Variants in PLXNB2 observed in about 807,000 individuals in gnomAD.
The protein encoded by PLXNB2 is plexin-B2.
Under a neutral mutation model 202.6 loss-of-function variants are expected in PLXNB2, and 85 were observed. That is an observed-to-expected ratio of 0.42 (90% CI 0.35 to 0.50). The LOEUF (loss-of-function observed/expected upper bound fraction) is 0.50. Ranked by LOEUF, PLXNB2 falls within the 20% of genes least tolerant of loss-of-function variation. The pLI is 0.02. For synonymous variants in PLXNB2, 1,239 were observed against 1,137.6 expected, an observed-to-expected ratio of 1.09 and a Z score of -1.79; for missense variants, 2,063 against 2,586.2, an observed-to-expected ratio of 0.80 and a Z score of 4.39.
At chr22:50,296,609 A>AG (rs1212772445) in intron 1 of PLXNB2, among the ~76,000 whole-genome samples, 1 of 151,188 alleles carries the variant, frequency 6.6e-6, no homozygotes, top group African/African-American at 2.4e-5. Flanking sequence ...AAAAAAAAAA[A>AG]AAAAGGAAAA....
At chr22:50,277,815 A>G (rs1216721259) in intron 32 of PLXNB2, 38 bp downstream of exon 32, 1 of 1,605,878 alleles carries the variant, frequency 6.2e-7, no homozygotes, top group South Asian at 1.1e-5. Flanking sequence ...TGAGAGGCGG[A>G]GCCGGGGCTG....
At chr22:50,303,719 A>G (rs2067790739) in intron 1 of PLXNB2, among the ~76,000 whole-genome samples, 1 of 152,186 alleles carries the variant, frequency 6.6e-6, no homozygotes, top group South Asian at 2.1e-4. Flanking sequence ...GAAGCTGCTG[A>G]CCAGCTGTGC....
In PLXNB2 at chr22:50,291,430, C is replaced by T. The variant is rs191216352; in HGVS notation, c.-13-833G>A. On this transcript the variant is annotated intron_variant, in intron 2 of 36. Coordinates refer to ENST00000359337, the MANE Select transcript of PLXNB2 (RefSeq NM_012401.4). The surrounding 1 kb of genome is among the most constrained non-coding windows in gnomAD (Gnocchi z 4.3). ...TGCGTGTGTGTAACTGAGCACGTCTCGGTGTGGGGTCTGTGCCTGGGTCCG... is the reference window on the plus strand; with the variant it reads ...TGCGTGTGTGTAACTGAGCACGTCTTGGTGTGGGGTCTGTGCCTGGGTCCG... 1.2e-3 allele frequency among the ~76,000 whole-genome samples: 176 copies of T among 152,196 alleles called. No homozygotes were observed. Among genetic ancestry groups the T allele is most frequent in the Non-Finnish European group, 1.3e-3 (91 of 67,996 alleles).
At chr22:50,298,350 C>G (rs1243702955) in intron 1 of PLXNB2, among the ~76,000 whole-genome samples, 1 of 152,178 alleles carries the variant, frequency 6.6e-6, no homozygotes, top group Non-Finnish European at 1.5e-5. Flanking sequence ...ACCTGTGGCC[C>G]TCTCCTGAGG....
intron 1 of PLXNB2, among the ~76,000 whole-genome samples, chr22:50,298,798 A>G (rs1293108961): frequency 6.6e-6 from 1 of 152,204 alleles, no homozygotes; most frequent in Non-Finnish European, 1.5e-5. Context: ...GGTGCACGCC[A>G]CTATGCCCAG....
rs2065482547 is a variant in PLXNB2 at position 50,275,513 on chromosome 22, G to T, written c.*191C>A. Reference sequence around the variant, plus strand: ...GGGCTGGGGCTGGTGCTGGTGCGGTGCCCGGCGGTATTGCTCAGAGGAAGA... The same window carrying T: ...GGGCTGGGGCTGGTGCTGGTGCGGTTCCCGGCGGTATTGCTCAGAGGAAGA... On this transcript the variant is annotated 3_prime_UTR_variant, in exon 37 of 37. Coordinates refer to ENST00000359337, the MANE Select transcript of PLXNB2 (RefSeq NM_012401.4). 1 of 670,434 alleles carries T rather than the reference G, an allele frequency of 1.5e-6. No individual in the cohort carries two copies. The allele number at this position is 670,434 out of a possible 1,614,324, so 41.5% of individuals were successfully genotyped here. A position where few individuals can be genotyped will look rare whatever the true frequency, so the allele number is the denominator to read the frequency against.
chr22:50,278,763 A>G (rs1395515243), intron 28 of PLXNB2, 67 bp from the exon 29 acceptor site: 4 of 1,584,972 alleles, frequency 2.5e-6, no homozygotes, highest in Admixed American at 3.5e-5. Flanking sequence ...CACCACTCCC[A>G]TATGAGAAAG....
chr22:50,303,640 C>T (rs2067787702), intron 1 of PLXNB2, among the ~76,000 whole-genome samples: 1 of 152,252 alleles, frequency 6.6e-6, no homozygotes, highest in African/African-American at 2.4e-5. Flanking sequence ...TGCTGCGGGA[C>T]TCAGCTGGGG....
chr22:50,295,632 A>G (rs2067207414), intron 1 of PLXNB2, among the ~76,000 whole-genome samples: 2 of 152,198 alleles, frequency 1.3e-5, no homozygotes, highest in South Asian at 4.1e-4. Flanking sequence ...GCTTCTCCGC[A>G]TGGTTGGCTT....
intron 1 of PLXNB2, among the ~76,000 whole-genome samples, chr22:50,306,714 C>T (rs980010535): frequency 2.0e-5 from 3 of 151,970 alleles, no homozygotes; most frequent in Admixed American, 6.5e-5. Context: ...CTCACCCTCA[C>T]CCTCACCCTC....
chr22:50,297,539 G>C lies in PLXNB2; in HGVS notation c.-73-2761C>G, dbSNP rs2067368371. 2.6e-5 allele frequency among the ~76,000 whole-genome samples: 4 copies of C among 152,096 alleles called. No homozygotes were observed. Among genetic ancestry groups the C allele is most frequent in the Admixed American group, 2.6e-4 (4 of 15,270 alleles). On this transcript the variant is annotated intron_variant, in intron 1 of 36. Coordinates refer to ENST00000359337, the MANE Select transcript of PLXNB2 (RefSeq NM_012401.4). The surrounding 1 kb of genome is among the most constrained non-coding windows in gnomAD (Gnocchi z 5.3). Reference sequence around the variant, plus strand: ...CAGTCTGGGGCCCTTCCTGGCCCAAGTCTACCTCCTCTGCCCGGCCTCTGG... The same window carrying C: ...CAGTCTGGGGCCCTTCCTGGCCCAACTCTACCTCCTCTGCCCGGCCTCTGG...
In PLXNB2 at chr22:50,289,028, C is replaced by T. The variant is rs767458963; in HGVS notation, c.1183G>A (p.Val395Met). 3.7e-6 allele frequency: 6 copies of T among 1,610,144 alleles called. No homozygotes were observed. The highest frequency in any genetic ancestry group is 1.3e-5 in the African/African-American group (1 of 75,012). ...TGGTTGTTCTCGGCGGCGACCGTCA[C>T]GGCCGTGAGGTTCAGGCCTCCACGC... ...LQRGGLNLTA[V>M]TVAAENNHTV... Residue 395 changes from valine to methionine, a missense_variant, in exon 4 of 37, where the codon GTG becomes ATG. Physicochemically the swap from Val to Met is conservative, Grantham distance 21 (BLOSUM62 1). Transcript: ENST00000359337. This position sits in a 1 kb window ranked among gnomAD's most constrained non-coding sequence, Gnocchi z 8.0.
Position 50,296,209 on chromosome 22 carries a change from C to CACACAT in PLXNB2, c.-73-1432_-73-1431insATGTGT, listed in dbSNP as rs1247061265. 5.2e-3 allele frequency among the ~76,000 whole-genome samples: 780 copies of CACACAT among 149,216 alleles called. 6 individuals are homozygous for CACACAT. Among genetic ancestry groups the CACACAT allele is most frequent in the African/African-American group, 0.019 (739 of 39,104 alleles). On this transcript the variant is annotated intron_variant, in intron 1 of 36. Transcript: ENST00000359337. ...CTCAAAAAATACACACACACACACACACACACACACACACACACACAATAA... is the reference window on the plus strand; with the variant it reads ...CTCAAAAAATACACACACACACACACACACATACACACACACACACACACACAATAA...
Position 50,276,609 on chromosome 22 carries a change from G to A in PLXNB2, c.5337+20C>T, listed in dbSNP as rs371718089. The A allele has an allele frequency of 1.6e-4, 253 of 1,599,564 alleles. 1 individual carries two copies. Among genetic ancestry groups the A allele is most frequent in the Non-Finnish European group, 1.2e-4 (139 of 1,166,998 alleles). On this transcript the variant is annotated intron_variant, in intron 35 of 36. Transcript: ENST00000359337. ...TGGGAGCGGGGAGGGCTGTGGGTGC[G>A]TCCCTGGTGGTCTCCTTACCCGGGA...
rs1047448717 is a variant in PLXNB2 at position 50,275,168 on chromosome 22, C to T, written c.*536G>A. 13 of 311,362 alleles carry T rather than the reference C, an allele frequency of 4.2e-5. No individual in the cohort carries two copies. The Admixed American group carries it at 5.8e-4, about 14-fold the overall frequency. 19.3% of individuals were successfully genotyped at this position (311,362 alleles called of 1,614,324 possible). ...GACCTACGTCTCACTTGACCTTTGACGTGGGGCCCAGCAGCCGTGAGTCCA... is the reference window on the plus strand; with the variant it reads ...GACCTACGTCTCACTTGACCTTTGATGTGGGGCCCAGCAGCCGTGAGTCCA... On this transcript the variant is annotated 3_prime_UTR_variant, in exon 37 of 37. Coordinates refer to ENST00000359337, the MANE Select transcript of PLXNB2 (RefSeq NM_012401.4).
intron 11 of PLXNB2, among the ~76,000 whole-genome samples, chr22:50,285,242 C>T (rs1249799863): frequency 3.2e-5 from 4 of 125,118 alleles, no homozygotes; most frequent in Admixed American, 7.9e-5. Flanking sequence ...TGCCTGTCAC[C>T]GGCCGGCACC....
At position 50,288,800 on chromosome 22, in the gene PLXNB2, C is replaced by A; in HGVS notation, c.1323G>T (p.Lys441Asn). 1 of 1,613,212 alleles carries A rather than the reference C, an allele frequency of 6.2e-7. No individual in the cohort carries two copies. Residue 441 changes from lysine to asparagine, a missense_variant, in exon 5 of 37, where the codon AAG (lysine) becomes AAT (asparagine). Physicochemically the swap from Lys to Asn is moderately conservative, Grantham distance 94. Around this residue, in one of 2 missense-constraint regions of PLXNB2, gnomAD observed 1,303 missense variants for 1,476.8 expected, o/e 0.88. Coordinates refer to ENST00000359337, the MANE Select transcript of PLXNB2 (RefSeq NM_012401.4). The surrounding 1 kb of genome is among the most constrained non-coding windows in gnomAD (Gnocchi z 5.0). The part of the protein sequence containing the change: ...SILVEINKRV[K>N]RDLVLSGDLG... ...GGTCTCCAGACAGTACCAGGTCGCG[C>A]TTGACTCTCTTGTTTATCTCCACAA...
chr22:50,303,200 G>A (rs2067771833), intron 1 of PLXNB2, among the ~76,000 whole-genome samples: 1 of 152,136 alleles, frequency 6.6e-6, no homozygotes, highest in Admixed American at 6.5e-5. Context: ...CCCAGCTGAG[G>A]ACAGAGCATG....
rs60566030 is a variant in PLXNB2 at position 50,277,428 on chromosome 22, C to T, written c.5196+163G>A. ...GCTCTCGGGATCTCCCAGGCTCTGC[C>T]GGGCCCCTGTGCCCCCAGCCTCCGC... On this transcript the variant is annotated intron_variant, in intron 33 of 36. Transcript: ENST00000359337. Among the ~76,000 whole-genome samples, 1,207 of 152,278 alleles carry T rather than the reference C, an allele frequency of 7.9e-3. 16 individuals are homozygous for T. Among genetic ancestry groups the T allele is most frequent in the African/African-American group, 0.028 (1,148 of 41,554 alleles).
Sources: gnomAD v4.1 joint callset for allele counts (sites outside exome capture counted in the v4.1 genomes callset) on GRCh38, gnomAD v4.1.1 for gene constraint, gnomAD v4.1.1 regional missense constraint, Gnocchi (gnomAD v3.1) non-coding constraint, MANE v1.5 for transcripts, NCBI Gene and HGNC (gene_info 2026-07-23, HGNC 2026-07-21) for gene names.